The following OTOL1 variants were observed in gnomAD, a reference collection of about 807,000 sequenced individuals.
OTOL1 encodes otolin-1.
Under a neutral mutation model 25.0 loss-of-function variants are expected in OTOL1, and 31 were observed. The ratio of observed to expected loss-of-function variants is 1.24; its 90% CI spans 0.93 to 1.67. OTOL1 has a LOEUF of 1.67. OTOL1 is among the 40% of genes most tolerant of loss of function. OTOL1 has a pLI of 0.00. For synonymous variants in OTOL1, 225 were observed against 210.3 expected (o/e 1.07, Z -0.61); for missense variants, 654 against 587.7 (o/e 1.11, Z -1.17).
chr3:161,502,486 A>G (rs1374442505), intron 3 of OTOL1, 117 bp downstream of exon 3: 11 of 876,068 alleles, frequency 1.3e-5, no homozygotes, highest in Non-Finnish European at 1.8e-5. Context: ...AATTACTGTT[A>G]TTCTTCTAAT....
rs962128557 is a variant in OTOL1 at position 161,503,343 on chromosome 3, C to T, written c.835C>T (p.Arg279Cys). The T allele has an allele frequency of 8.8e-6, 14 of 1,584,164 alleles. No individual in the cohort carries two copies. Among genetic ancestry groups the T allele is most frequent in the East Asian group, 6.8e-5 (3 of 44,186 alleles). Residue 279 changes from arginine to cysteine, a missense_variant, in exon 4 of 4, where the codon CGT becomes TGT. Arg to Cys is a radical substitution (Grantham distance 180). Coordinates refer to ENST00000327928, the MANE Select transcript of OTOL1 (RefSeq NM_001080440.1). The part of the protein sequence containing the change: ...GDSGMEGKSG[R>C]NGLPGAKGDP... The stretch of plus-strand genomic sequence containing the variant: ...CAGTGGAATGGAAGGCAAAAGCGGC[C>T]GTAATGGTCTGCCTGGGGCCAAAGG...
chr3:161,497,481 G>C (rs1560142023), intron 1 of OTOL1, among the ~76,000 whole-genome samples: 1 of 152,142 alleles, frequency 6.6e-6, no homozygotes, highest in Non-Finnish European at 1.5e-5. Flanking sequence ...AATTCTACTG[G>C]ACAGTGCTGG....
intron 1 of OTOL1, among the ~76,000 whole-genome samples, chr3:161,497,379 A>C (rs893317743): frequency 1.3e-5 from 2 of 152,056 alleles, no homozygotes; most frequent in African/African-American, 4.8e-5. Flanking sequence ...AATAAGGTAA[A>C]AAATTCAGTT....
At position 161,499,264 on chromosome 3, in the gene OTOL1, G is replaced by A; in HGVS notation, c.454+4G>A. The A allele has an allele frequency of 6.3e-7, 1 of 1,588,670 alleles. No homozygotes were observed. The stretch of plus-strand genomic sequence containing the variant: ...AGAGGCTACAAAGGAGAGAAAGGTA[G>A]GTAATTCATTCATGTCAAAACTCAA... On this transcript the variant is annotated splice_donor_region_variant and intron_variant, in intron 2 of 3. Coordinates refer to ENST00000327928, the MANE Select transcript of OTOL1 (RefSeq NM_001080440.1).
Position 161,496,946 on chromosome 3 carries a change from T to A in OTOL1, c.139T>A (p.Ser47Thr). 6.2e-7 allele frequency: 1 copy of A among 1,613,510 alleles called. No homozygotes were observed. Among genetic ancestry groups the A allele is most frequent in the Non-Finnish European group, 8.5e-7 (1 of 1,179,646 alleles). The change falls in exon 1 of 4, where the codon TCC becomes ACC. Residue 47 changes from serine to threonine, a missense_variant. Physicochemically the swap from Ser to Thr is moderately conservative, Grantham distance 58. Transcript: ENST00000327928. ...AGAGATGCCAAAGGGTCTAAAGCCA[T>A]CCAGTGGCCCACCTCCAGAAGAAGA... ...EREMPKGLKP[S>T]SGPPPEEEET...
rs755587988 is a variant in OTOL1 at position 161,497,158 on chromosome 3, G to A, written c.351G>A (p.Glu117=). 5.0e-5 allele frequency: 80 copies of A among 1,610,398 alleles called. No homozygotes were observed. Among genetic ancestry groups the A allele is most frequent in the Non-Finnish European group, 6.4e-5 (76 of 1,178,342 alleles). Residue 117 remains glutamate (E), a synonymous_variant, in exon 1 of 4, where the codon GAG becomes GAA. Coordinates refer to ENST00000327928, the MANE Select transcript of OTOL1 (RefSeq NM_001080440.1). ...CCGGGCAGAAAGGAGAACCTGGAGA[G>A]ACTGGACAGCCAGGTATTAGAAAAT... is the stretch of plus-strand genomic sequence containing the variant. The part of the protein sequence containing the change: ...PVPGQKGEPG[E]TGQPGPKGEA...
rs1173229696 is a variant in OTOL1, at chr3:161,503,210, GAAGGGGGAGATGGGGGAT to G, written c.708_725del (p.Glu237_Gly242del). On this transcript the variant is annotated inframe_deletion, in exon 4 of 4. Transcript: ENST00000327928. ...AGGGAGAGAAGGGGGAGATGGGGGA[GAAGGGGGAGATGGGGGAT>G]AAGGGCTGCTGTGGAGATTCTGGGG... 1.3e-5 allele frequency: 12 copies of G among 905,308 alleles called. No homozygotes were observed. Among genetic ancestry groups the G allele is most frequent in the African/African-American group, 1.9e-5 (1 of 52,108 alleles). The allele number at this position is 905,308 out of a possible 1,614,324, so 56.1% of individuals were successfully genotyped here.
In OTOL1 at chr3:161,503,772, C is replaced by G. The variant is rs760826450; in HGVS notation, c.1264C>G (p.Gln422Glu). 3.1e-6 allele frequency: 5 copies of G among 1,613,860 alleles called. No individual in the cohort carries two copies. The highest frequency in any genetic ancestry group is 4.2e-6 in the Non-Finnish European group (5 of 1,179,860). ...CAAGTCCAGAGAAACTCTCTATGGT[C>G]AGGAAATAGACCAGGCCTCTCTCCT... ...QFKSRETLYGQEIDQASLLVI... is the reference protein window; with the variant it reads ...QFKSRETLYGEEIDQASLLVI... The change falls in exon 4 of 4, where the codon CAG becomes GAG. Residue 422 changes from glutamine to glutamate, a missense_variant. Coordinates refer to ENST00000327928, the MANE Select transcript of OTOL1 (RefSeq NM_001080440.1).
intron 1 of OTOL1, among the ~76,000 whole-genome samples, chr3:161,498,401 C>T (rs1718886612): frequency 6.6e-6 from 1 of 152,096 alleles, no homozygotes; most frequent in South Asian, 2.1e-4. Context: ...GCCTGGGGAG[C>T]TCATATGTCT....
In OTOL1 at chr3:161,503,765, C is replaced by G. The variant is rs368145503; in HGVS notation, c.1257C>G (p.Leu419=). 8.1e-6 allele frequency: 13 copies of G among 1,613,840 alleles called. No homozygotes were observed. The highest frequency in any genetic ancestry group is 1.3e-5 in the African/African-American group (1 of 75,042). Residue 419 remains leucine (L), a synonymous_variant, in exon 4 of 4, where the codon CTC becomes CTG. Transcript: ENST00000327928. ...AGCAGTTCAAGTCCAGAGAAACTCT[C>G]TATGGTCAGGAAATAGACCAGGCCT... is the stretch of plus-strand genomic sequence containing the variant. ...NKKQFKSRET[L]YGQEIDQASL...
chr3:161,499,462 G>A (rs1290532719), intron 2 of OTOL1, among the ~76,000 whole-genome samples: 2 of 152,124 alleles, frequency 1.3e-5, no homozygotes, highest in Non-Finnish European at 2.9e-5. Context: ...TGGGAACACT[G>A]CACACATGCA....
chr3:161,503,469 C>T lies in OTOL1; in HGVS notation c.961C>T (p.Pro321Ser), dbSNP rs765667058. 1.2e-6 allele frequency: 2 copies of T among 1,613,288 alleles called. No individual in the cohort carries two copies. Among genetic ancestry groups the T allele is most frequent in the Non-Finnish European group, 1.7e-6 (2 of 1,179,738 alleles). The change falls in exon 4 of 4, where the codon CCC (proline) becomes TCC (serine). Residue 321 changes from proline (P) to serine (S), a missense_variant. Coordinates refer to ENST00000327928, the MANE Select transcript of OTOL1 (RefSeq NM_001080440.1). ...CATTGGCAACAAAGGGGTCCGAGGC[C>T]CCACTGGGAAGAAGGGCTCTCGGGG... ...GDIGNKGVRGPTGKKGSRGFK... is the reference protein window; with the variant it reads ...GDIGNKGVRGSTGKKGSRGFK...
chr3:161,503,136 G>T lies in OTOL1; in HGVS notation c.628G>T (p.Asp210Tyr). ...CGNCTKGEKGDQGAMGSPGLH... is the reference protein window; with the variant it reads ...CGNCTKGEKGYQGAMGSPGLH... ...GAATTGTACCAAAGGAGAAAAAGGA[G>T]ACCAAGGGGCTATGGGCTCACCTGG... Residue 210 changes from aspartate to tyrosine, a missense_variant, in exon 4 of 4, where the codon GAC (aspartate) becomes TAC (tyrosine). By Grantham distance (160) the Asp-to-Tyr change is radical. Transcript: ENST00000327928. 2 of 1,433,434 alleles carry T rather than the reference G, an allele frequency of 1.4e-6. No individual in the cohort carries two copies. The highest frequency in any genetic ancestry group is 1.8e-6 in the Non-Finnish European group (2 of 1,092,610). The allele number at this position is 1,433,434 out of a possible 1,614,324, so 88.8% of individuals were successfully genotyped here.
At chr3:161,500,119 C>T (rs1385851762) in intron 2 of OTOL1, among the ~76,000 whole-genome samples, 1 of 152,164 alleles carries the variant, frequency 6.6e-6, no homozygotes, top group African/African-American at 2.4e-5. Flanking sequence ...GTTTTAGCCT[C>T]AGTGTCACAT....
At position 161,502,303 on chromosome 3, in the gene OTOL1, T is replaced by C. The variant is rs781742514; in HGVS notation, c.455-4T>C. The C allele has an allele frequency of 5.0e-6, 8 of 1,611,976 alleles. No homozygotes were observed. The highest frequency in any genetic ancestry group is 6.8e-6 in the Non-Finnish European group (8 of 1,178,676). ...GTAAAAAGTTAATCTTGGTATCATC[T>C]TAGGACTCAAAGGAGAACGTGGGGA... On this transcript the variant is annotated splice_region_variant and splice_polypyrimidine_tract_variant and intron_variant, in intron 2 of 3. Transcript: ENST00000327928.
chr3:161,498,081 G>T (rs912114752), intron 1 of OTOL1, among the ~76,000 whole-genome samples: 23 of 152,246 alleles, frequency 1.5e-4, no homozygotes, highest in Admixed American at 1.2e-3. Context: ...AAGGAGATGG[G>T]CCGTAGCTTG....
intron 2 of OTOL1, 81 bp from the exon 3 acceptor site, chr3:161,502,226 A>G: frequency 1.5e-6 from 2 of 1,296,268 alleles, no homozygotes; most frequent in Non-Finnish European, 2.2e-6. Flanking sequence ...AAACACTAGA[A>G]TGTGACATGG....
At chr3:161,497,689 G>C (rs1335212767) in intron 1 of OTOL1, among the ~76,000 whole-genome samples, 1 of 152,110 alleles carries the variant, frequency 6.6e-6, no homozygotes, top group Non-Finnish European at 1.5e-5. Flanking sequence ...AAATGGAATG[G>C]CTCTGAGGTG....
At position 161,497,089 on chromosome 3, in the gene OTOL1, A is replaced by G. The variant is rs1718852140; in HGVS notation, c.282A>G (p.Pro94=). ...LSPFENFTLD[P]ADFFLNCCDC... ...CCTTTGAAAACTTCACTCTTGACCC[A>G]GCTGATTTCTTTTTGAATTGTTGTG... The change falls in exon 1 of 4, where the codon CCA becomes CCG. Residue 94 remains proline, a synonymous_variant. Transcript: ENST00000327928. 1 of 1,613,620 alleles carries G rather than the reference A, an allele frequency of 6.2e-7. No homozygotes were observed. Among genetic ancestry groups the G allele is most frequent in the Non-Finnish European group, 8.5e-7 (1 of 1,179,642 alleles).
Sources: allele counts gnomAD v4.1 joint callset (sites outside exome capture counted in the v4.1 genomes callset), GRCh38; gene constraint gnomAD v4.1.1; transcripts MANE v1.5; gene names NCBI Gene and HGNC (gene_info 2026-07-23, HGNC 2026-07-21).